The following VEPH1 variants were observed in gnomAD, a reference collection of about 807,000 sequenced individuals.
The protein encoded by VEPH1 is ventricular zone expressed PH domain containing 1.
A neutral mutation model predicts 85.2 loss-of-function variants in VEPH1; 80 were observed. That is an observed-to-expected ratio of 0.94 (90% confidence interval 0.78 to 1.13). The LOEUF (loss-of-function observed/expected upper bound fraction) is 1.13, where lower values mean the gene tolerates loss of function less well. Ranked by LOEUF, VEPH1 falls within the 50% of genes most tolerant of loss-of-function variation. VEPH1 has a pLI of 0.00. For synonymous variants in VEPH1, 297 were observed against 348.0 expected, an observed-to-expected ratio of 0.85 and a Z score of 1.63; for missense variants, 955 against 980.5, an observed-to-expected ratio of 0.97 and a Z score of 0.35.
chr3:157,478,647 G>A (rs1048504449), intron 2 of VEPH1, among the ~76,000 whole-genome samples: 32 of 151,898 alleles, frequency 2.1e-4, no homozygotes, highest in African/African-American at 7.2e-4. Context: ...GGGGCCTTTC[G>A]AATGAAGCCA....
At chr3:157,313,550 A>G (rs1720376129) in intron 11 of VEPH1, 71 bp downstream of exon 11, 1 of 1,533,166 alleles carries the variant, frequency 6.5e-7, no homozygotes, top group Non-Finnish European at 8.8e-7. Context: ...TAATTGCTAA[A>G]AAAAAGGGAA....
intron 6 of VEPH1, 36 bp from the exon 7 acceptor site, chr3:157,381,412 T>C (rs943218277): frequency 6.2e-7 from 1 of 1,606,340 alleles, no homozygotes; most frequent in Non-Finnish European, 8.5e-7. Context: ...GTTTATCTTT[T>C]AGAAGAAAAT....
At chr3:157,269,014 G>A (rs1403104) in intron 12 of VEPH1, among the ~76,000 whole-genome samples, 48,132 of 152,126 alleles carry the variant, frequency 0.32, 7,898 homozygotes, top group Admixed American at 0.46. Flanking sequence ...CTATTTAATA[G>A]TGATACATTT....
At chr3:157,288,638 A>G (rs573817330) in intron 11 of VEPH1, among the ~76,000 whole-genome samples, 6 of 152,370 alleles carry the variant, frequency 3.9e-5, no homozygotes, top group African/African-American at 1.4e-4. Context: ...GAATTTTTAA[A>G]GAGAACATTT....
At chr3:157,484,405 G>C (rs1738430239) in intron 2 of VEPH1, among the ~76,000 whole-genome samples, 1 of 152,064 alleles carries the variant, frequency 6.6e-6, no homozygotes, top group Non-Finnish European at 1.5e-5. Flanking sequence ...TGTCTCAAAT[G>C]ATCCTCTTGC....
chr3:157,383,791 C>A (rs1729018099), intron 6 of VEPH1, among the ~76,000 whole-genome samples: 1 of 152,098 alleles, frequency 6.6e-6, no homozygotes, highest in Non-Finnish European at 1.5e-5. Flanking sequence ...AATAAAAGAC[C>A]CCTGGAATAT....
At chr3:157,402,278 C>T (rs1161087414) in intron 6 of VEPH1, among the ~76,000 whole-genome samples, 1 of 152,052 alleles carries the variant, frequency 6.6e-6, no homozygotes, top group Non-Finnish European at 1.5e-5. Context: ...ATTTACTAGC[C>T]AAGAAGGAGG....
chr3:157,493,122 T>G, intron 2 of VEPH1: 2 of 401,944 alleles, frequency 5.0e-6, no homozygotes, highest in Non-Finnish European at 9.9e-6. Flanking sequence ...CAAGGTTTTA[T>G]GCAATGGAAA....
At chr3:157,323,074 T>A (rs569335953) in intron 9 of VEPH1, among the ~76,000 whole-genome samples, 1 of 152,346 alleles carries the variant, frequency 6.6e-6, no homozygotes, top group South Asian at 2.1e-4. Flanking sequence ...TGTGGACCAC[T>A]TGTAAAACTT....
intron 7 of VEPH1, among the ~76,000 whole-genome samples, chr3:157,374,390 T>A (rs1727858725): frequency 6.6e-6 from 1 of 152,258 alleles, no homozygotes; most frequent in Admixed American, 6.5e-5. Context: ...GAATGTCCCA[T>A]GTTTTTAATT....
In VEPH1 at chr3:157,437,737, G is replaced by A. The variant is rs759937518; in HGVS notation, c.530-9249C>T. ...GGCCAGGCTGACCAGTGCTCTGGAC[G>A]AGCTGCTGCAGGCGACCCGCGACGC... On this transcript the variant is annotated intron_variant, in intron 4 of 13. Transcript: ENST00000362010. The A allele has an allele frequency of 2.0e-6, 3 of 1,503,794 alleles. No individual in the cohort carries two copies. In the East Asian group the frequency reaches 8.1e-5, roughly 40 times the overall value. The allele number at this position is 1,503,794 out of a possible 1,614,324, so 93.2% of individuals were successfully genotyped here.
chr3:157,277,390 A>G (rs974933150), intron 12 of VEPH1, among the ~76,000 whole-genome samples: 1 of 152,168 alleles, frequency 6.6e-6, no homozygotes, highest in Non-Finnish European at 1.5e-5. Context: ...GTTGGAAAAA[A>G]TAGATCTGAC....
intron 6 of VEPH1, among the ~76,000 whole-genome samples, chr3:157,404,539 A>G (rs1215683081): frequency 1.3e-5 from 2 of 152,160 alleles, no homozygotes; most frequent in Admixed American, 6.5e-5. Context: ...CAGGAAACCA[A>G]TAGGGGAACA....
In VEPH1 at chr3:157,463,234, T is replaced by C. The variant is rs540978801; in HGVS notation, c.355-2879A>G. Among the ~76,000 whole-genome samples, 3 of 152,248 alleles carry C rather than the reference T, an allele frequency of 2.0e-5. No individual in the cohort carries two copies. The South Asian group carries it at 6.2e-4, about 32-fold the overall frequency. The stretch of plus-strand genomic sequence containing the variant: ...ATAAATCTTTAATCCATTCCTGCAG[T>C]TCCATCCATTTTCCAGACTCAGGGG... On this transcript the variant is annotated intron_variant, in intron 3 of 13. Transcript: ENST00000362010.
chr3:157,465,060 G>A (rs1014873727), intron 3 of VEPH1, among the ~76,000 whole-genome samples: 2 of 152,124 alleles, frequency 1.3e-5, no homozygotes, highest in African/African-American at 4.8e-5. Context: ...ACCTGGGAGT[G>A]TACATCCCAG....
chr3:157,430,101 G>A (rs1733030346), intron 4 of VEPH1, among the ~76,000 whole-genome samples: 2 of 152,046 alleles, frequency 1.3e-5, no homozygotes, highest in African/African-American at 4.8e-5. Context: ...ATAATATAAG[G>A]AACATTGGTG....
intron 11 of VEPH1, among the ~76,000 whole-genome samples, chr3:157,294,863 C>T (rs1366621537): frequency 6.6e-6 from 1 of 152,066 alleles, no homozygotes; most frequent in African/African-American, 2.4e-5. Flanking sequence ...TTTATTTTCC[C>T]AGAGGTATGT....
At chr3:157,269,955 A>G (rs1696622765) in intron 12 of VEPH1, among the ~76,000 whole-genome samples, 1 of 151,928 alleles carries the variant, frequency 6.6e-6, no homozygotes, top group African/African-American at 2.4e-5. Context: ...AAGCACCACA[A>G]TTTGGCCAGG....
At chr3:157,300,364 G>A (rs1389957940) in intron 11 of VEPH1, among the ~76,000 whole-genome samples, 4 of 152,236 alleles carry the variant, frequency 2.6e-5, no homozygotes, top group South Asian at 4.2e-4. Context: ...CTTGACTGAT[G>A]CAGAACATCT....
Sources: allele counts gnomAD v4.1 joint callset (sites outside exome capture counted in the v4.1 genomes callset), GRCh38; gene constraint gnomAD v4.1.1; transcripts MANE v1.5; gene names NCBI Gene and HGNC (gene_info 2026-07-23, HGNC 2026-07-21).